The following NTM variants were observed in gnomAD, a reference collection of about 807,000 sequenced individuals.
NTM encodes the protein IgLON family member 2.
Under a neutral mutation model 42.1 loss-of-function variants are expected in NTM, and 13 were observed. The observed-to-expected ratio is 0.31, with a 90% CI of 0.20 to 0.49. NTM has a LOEUF of 0.49. Ranked by LOEUF, NTM falls within the 20% of genes least tolerant of loss-of-function variation. NTM has a pLI of 0.99. For synonymous variants in NTM, 187 were observed against 179.2 expected, an observed-to-expected ratio of 1.04 and a Z score of -0.35; for missense variants, 373 against 452.8, an observed-to-expected ratio of 0.82 and a Z score of 1.60.
intron 1 of NTM, among the ~76,000 whole-genome samples, chr11:131,655,571 G>A (rs1011633263): frequency 5.3e-5 from 8 of 152,278 alleles, no homozygotes; most frequent in Middle Eastern, 3.4e-3. Context: ...TAAAAGACAC[G>A]TATGGGAGGC....
intron 2 of NTM, among the ~76,000 whole-genome samples, chr11:131,967,209 G>C (rs911581166): frequency 6.6e-6 from 1 of 152,192 alleles, no homozygotes; most frequent in African/African-American, 2.4e-5. Flanking sequence ...TTACACTGGA[G>C]TGGGGTCATC....
chr11:132,006,371 T>C (rs1278847775), intron 2 of NTM, among the ~76,000 whole-genome samples: 2 of 152,054 alleles, frequency 1.3e-5, no homozygotes, highest in African/African-American at 2.4e-5. Flanking sequence ...GGAGGGAAAA[T>C]TTGGGAAGCA....
chr11:131,646,018 G>T lies in NTM; in HGVS notation c.83-265546G>T, dbSNP rs1262807627. On this transcript the variant is annotated intron_variant, in intron 1 of 8. Transcript: ENST00000683400. ...GTCAGTACGGAGCACAGGTGTGAAA[G>T]ATTTAGAAGCTGCATGTATGTGCAT... is the stretch of plus-strand genomic sequence containing the variant. Among the ~76,000 whole-genome samples, 13 of 152,210 alleles carry T rather than the reference G, an allele frequency of 8.5e-5. 1 individual carries two copies. The highest frequency in any genetic ancestry group is 8.5e-4 in the Admixed American group (13 of 15,288).
intron 1 of NTM, among the ~76,000 whole-genome samples, chr11:131,519,136 G>A (rs765172800): frequency 1.3e-5 from 2 of 152,140 alleles, no homozygotes; most frequent in Non-Finnish European, 2.9e-5. Flanking sequence ...CTCTCCTCAG[G>A]GCCACTTCAT....
intron 1 of NTM, among the ~76,000 whole-genome samples, chr11:131,533,201 A>G (rs565939491): frequency 2.6e-5 from 4 of 152,350 alleles, no homozygotes; most frequent in South Asian, 4.1e-4. Flanking sequence ...TGGCAAGCTA[A>G]ATAACAACCC....
At chr11:131,821,161 C>A (rs570757746) in intron 1 of NTM, among the ~76,000 whole-genome samples, 1 of 152,088 alleles carries the variant, frequency 6.6e-6, no homozygotes, top group Non-Finnish European at 1.5e-5. Context: ...AAATTACTTC[C>A]CCCTAGTTTC....
At chr11:132,189,618 C>T (rs896534424) in intron 3 of NTM, among the ~76,000 whole-genome samples, 2 of 151,078 alleles carry the variant, frequency 1.3e-5, no homozygotes, top group African/African-American at 4.9e-5. Context: ...ATATAGTTGC[C>T]TTGCCCACTG....
At chr11:131,848,961 G>A (rs1041534534) in intron 1 of NTM, among the ~76,000 whole-genome samples, 20 of 152,152 alleles carry the variant, frequency 1.3e-4, no homozygotes, top group Admixed American at 1.0e-3. Flanking sequence ...CCAAGTGGAT[G>A]ACTTTTCTTA....
intron 1 of NTM, among the ~76,000 whole-genome samples, chr11:131,767,418 A>G (rs1461086639): frequency 6.6e-6 from 1 of 152,118 alleles, no homozygotes; most frequent in Non-Finnish European, 1.5e-5. Context: ...GAAAATCTAC[A>G]TGCTGTGGAC....
At chr11:131,805,214 C>T (rs1565574151) in intron 1 of NTM, among the ~76,000 whole-genome samples, 1 of 152,206 alleles carries the variant, frequency 6.6e-6, no homozygotes, top group East Asian at 1.9e-4. Flanking sequence ...CCAGCCTCAC[C>T]TTCCAACCTG....
chr11:132,314,495 C>CCTATGAGGACACATAACCATCTTG, intron 6 of NTM, 57 bp from the exon 7 acceptor site: 1 of 1,540,302 alleles, frequency 6.5e-7, no homozygotes, highest in Non-Finnish European at 8.7e-7. Context: ...CTATCTTCTT[C>CCTATGAGGACACATAACCATCTTG]CTATGAGGAC....
intron 2 of NTM, among the ~76,000 whole-genome samples, chr11:131,912,857 G>C (rs1025720297): frequency 1.3e-5 from 2 of 152,152 alleles, no homozygotes; most frequent in Non-Finnish European, 2.9e-5. Context: ...AATATCTATA[G>C]GATAGAAAAT....
At chr11:131,609,319 G>A (rs1321564220) in intron 1 of NTM, among the ~76,000 whole-genome samples, 1 of 152,162 alleles carries the variant, frequency 6.6e-6, no homozygotes, top group East Asian at 1.9e-4. Context: ...GTTACGCCTG[G>A]CTTAATGATA....
chr11:132,074,544 T>C (rs1446484720), intron 2 of NTM, among the ~76,000 whole-genome samples: 2 of 152,214 alleles, frequency 1.3e-5, no homozygotes, highest in Non-Finnish European at 2.9e-5. Flanking sequence ...TAACAGCTTT[T>C]TTTTTTTAGG....
chr11:131,506,938 C>T (rs796230172), intron 1 of NTM, among the ~76,000 whole-genome samples: 41 of 152,266 alleles, frequency 2.7e-4, no homozygotes, highest in African/African-American at 9.6e-4. Flanking sequence ...TGGAGTTAAA[C>T]TTGATGCCCC....
intron 1 of NTM, among the ~76,000 whole-genome samples, chr11:131,439,323 AC>A (rs1289636614): frequency 6.6e-6 from 1 of 152,072 alleles, no homozygotes; most frequent in African/African-American, 2.4e-5. Flanking sequence ...TGCTGGGAGA[AC>A]CACTGCTCTC....
intron 1 of NTM, among the ~76,000 whole-genome samples, chr11:131,490,115 A>G: frequency 6.6e-6 from 1 of 152,190 alleles, no homozygotes; most frequent in East Asian, 1.9e-4. Context: ...ACTAATAGTG[A>G]GGATTCACTC....
intron 1 of NTM, among the ~76,000 whole-genome samples, chr11:131,752,525 A>C (rs11222772): frequency 6.6e-6 from 1 of 152,296 alleles, no homozygotes; most frequent in African/African-American, 2.4e-5. Context: ...TTGATTCAGC[A>C]ATCCCATTAC....
chr11:131,635,297 C>T (rs1042131710), intron 1 of NTM, among the ~76,000 whole-genome samples: 3 of 152,232 alleles, frequency 2.0e-5, no homozygotes, highest in Non-Finnish European at 2.9e-5. Context: ...ACATCTCCTG[C>T]GTGTTACTGC....
Sources: allele counts gnomAD v4.1 joint callset (sites outside exome capture counted in the v4.1 genomes callset), GRCh38; gene constraint gnomAD v4.1.1; transcripts MANE v1.5; gene names NCBI Gene and HGNC (gene_info 2026-07-23, HGNC 2026-07-21).